The following CNTN1 variants were observed in gnomAD, a reference collection of about 807,000 sequenced individuals.
CNTN1 encodes contactin-1.
A neutral mutation model predicts 126.4 loss-of-function variants in CNTN1; 38 were observed. The observed-to-expected ratio is 0.30, with a 90% CI of 0.23 to 0.39. The LOEUF is 0.39. Among genes scored for constraint, CNTN1 ranks in the 10% least tolerant of loss-of-function variants. The pLI, the probability that CNTN1 is intolerant of heterozygous loss-of-function variation, is 1.00. For missense variants in CNTN1, 1,009 were observed against 1,248.4 expected, an observed-to-expected ratio of 0.81 and a Z score of 2.89; for synonymous variants, 413 against 422.6, an observed-to-expected ratio of 0.98 and a Z score of 0.28.
chr12:40,878,945 G>A (rs1284308649), intron 1 of CNTN1, among the ~76,000 whole-genome samples: 2 of 152,186 alleles, frequency 1.3e-5, no homozygotes, highest in African/African-American at 4.8e-5. Context: ...ACATTATATA[G>A]CTTTCAATTA....
intron 3 of CNTN1, among the ~76,000 whole-genome samples, chr12:40,914,913 T>C (rs572112487): frequency 1.3e-5 from 2 of 152,268 alleles, no homozygotes; most frequent in South Asian, 4.1e-4. Flanking sequence ...TATATAGGAA[T>C]AACCCTATAT....
intron 17 of CNTN1, among the ~76,000 whole-genome samples, chr12:41,006,572 A>G (rs1948498547): frequency 6.6e-6 from 1 of 152,264 alleles, no homozygotes; most frequent in African/African-American, 2.4e-5. Flanking sequence ...ATTAATGTAC[A>G]TACTTCACCA....
intron 17 of CNTN1, among the ~76,000 whole-genome samples, chr12:41,007,376 A>G (rs1212965141): frequency 6.6e-6 from 1 of 152,026 alleles, no homozygotes; most frequent in Non-Finnish European, 1.5e-5. Context: ...GTGTGTTTTT[A>G]AAGAGAAATT....
chr12:40,899,077 G>A (rs1225689275), intron 1 of CNTN1, among the ~76,000 whole-genome samples: 1 of 152,172 alleles, frequency 6.6e-6, no homozygotes, highest in African/African-American at 2.4e-5. Context: ...AGGGTACATT[G>A]AGTGAGCTCT....
chr12:40,945,865 T>C (rs12811306), intron 14 of CNTN1, among the ~76,000 whole-genome samples: 5,090 of 152,146 alleles, frequency 0.033, 110 homozygotes, highest in Middle Eastern at 0.11. Context: ...GAGATTCACA[T>C]AGTTACCCCT....
chr12:41,061,710 G>T (rs1949941712), intron 23 of CNTN1: 1 of 439,206 alleles, frequency 2.3e-6, no homozygotes, highest in Non-Finnish European at 4.6e-6. Flanking sequence ...ACAGACTCAG[G>T]GCTGTAGTAG....
Position 40,936,902 on chromosome 12 carries a change from T to C in CNTN1, c.1107T>C (p.Tyr369=). The C allele has an allele frequency of 1.2e-6, 2 of 1,612,884 alleles. No homozygotes were observed. Among genetic ancestry groups the C allele is most frequent in the Non-Finnish European group, 1.7e-6 (2 of 1,179,136 alleles). The stretch of plus-strand genomic sequence containing the variant: ...CAATCCGATGGTTGAAAAATGGATA[T>C]GCGGTATGTATGTTCAAGTGCTTTG... The part of the protein sequence containing the change: ...IPTIRWLKNG[Y]AYHKGELRLY... Residue 369 remains tyrosine, a synonymous_variant, in exon 10 of 24, where the codon TAT becomes TAC. Coordinates refer to ENST00000551295, the MANE Select transcript of CNTN1 (RefSeq NM_001843.4).
intron 1 of CNTN1, among the ~76,000 whole-genome samples, chr12:40,887,956 T>C (rs1944102747): frequency 7.2e-6 from 1 of 139,110 alleles, no homozygotes; most frequent in Non-Finnish European, 1.5e-5. Context: ...TAGGTGGGAA[T>C]TGAACAATGA....
chr12:40,949,569 C>CTTTTTTTTTTTTT (rs36070275), intron 14 of CNTN1, among the ~76,000 whole-genome samples: 17 of 64,342 alleles, frequency 2.6e-4, no homozygotes, highest in Non-Finnish European at 3.9e-4. Flanking sequence ...TCTTTTCTTT[C>CTTTTTTTTTTTTT]TTTTTTTTTT....
At chr12:41,054,734 T>C (rs537288481) in intron 23 of CNTN1, among the ~76,000 whole-genome samples, 32 of 152,098 alleles carry the variant, frequency 2.1e-4, no homozygotes, top group Non-Finnish European at 4.3e-4. Context: ...TCTCTAGTTA[T>C]TAGATGTACT....
At chr12:40,947,027 C>A (rs757221563) in intron 14 of CNTN1, among the ~76,000 whole-genome samples, 1 of 151,756 alleles carries the variant, frequency 6.6e-6, no homozygotes, top group Non-Finnish European at 1.5e-5. Flanking sequence ...ATGTATATTT[C>A]TTTTAAGAGT....
chr12:40,769,379 C>T (rs1939247307), intron 1 of CNTN1, among the ~76,000 whole-genome samples: 1 of 151,990 alleles, frequency 6.6e-6, no homozygotes, highest in African/African-American at 2.4e-5. Flanking sequence ...AATATCATAG[C>T]CAATTGTAAT....
intron 1 of CNTN1, among the ~76,000 whole-genome samples, chr12:40,887,637 C>T (rs34196925): frequency 0.033 from 5,067 of 151,884 alleles, 115 homozygotes; most frequent in Middle Eastern, 0.12. Context: ...CTAGAAATAC[C>T]ATTTGACCCA....
intron 1 of CNTN1, among the ~76,000 whole-genome samples, chr12:40,863,186 T>G (rs1943174209): frequency 6.6e-6 from 1 of 152,170 alleles, no homozygotes; most frequent in Non-Finnish European, 1.5e-5. Flanking sequence ...AAGTATATTA[T>G]GTTCAATGCT....
At chr12:40,941,170 G>A (rs781142625) in intron 12 of CNTN1, among the ~76,000 whole-genome samples, 1 of 152,090 alleles carries the variant, frequency 6.6e-6, no homozygotes, top group Non-Finnish European at 1.5e-5. Context: ...TATTTTTAAA[G>A]CCTTTGAAAT....
chr12:41,034,646 A>G (rs183636062), intron 23 of CNTN1, among the ~76,000 whole-genome samples: 1 of 152,340 alleles, frequency 6.6e-6, no homozygotes, highest in African/African-American at 2.4e-5. Context: ...CATGGGATCA[A>G]TTTGAGTATT....
At chr12:41,066,032 A>G (rs1203612860) in intron 23 of CNTN1, among the ~76,000 whole-genome samples, 1 of 152,142 alleles carries the variant, frequency 6.6e-6, no homozygotes, top group Admixed American at 6.6e-5. Context: ...TATTAGGCAC[A>G]CCTCTAGGCA....
At chr12:40,818,089 C>G (rs150847377) in intron 1 of CNTN1, among the ~76,000 whole-genome samples, 173 of 152,172 alleles carry the variant, frequency 1.1e-3, no homozygotes, top group Non-Finnish European at 1.7e-3. Flanking sequence ...TCTGGTTGCA[C>G]TTAACAGTTT....
At chr12:40,790,965 G>A (rs781378174) in intron 1 of CNTN1, among the ~76,000 whole-genome samples, 2 of 152,096 alleles carry the variant, frequency 1.3e-5, no homozygotes, top group Non-Finnish European at 2.9e-5. Flanking sequence ...CTGCGTTTTA[G>A]TCTCAGCCAC....
Sources: allele counts gnomAD v4.1 joint callset (sites outside exome capture counted in the v4.1 genomes callset), GRCh38; gene constraint gnomAD v4.1.1; transcripts MANE v1.5; gene names NCBI Gene and HGNC (gene_info 2026-07-23, HGNC 2026-07-21).